DNAI1: variants seen among roughly 807,000 people sequenced by gnomAD.
DNAI1 encodes the protein dynein axonemal intermediate chain 1, also known as dynein, axonemal, intermediate polypeptide 1.
Under a neutral mutation model 92.0 loss-of-function variants are expected in DNAI1, and 67 were observed. The ratio of observed to expected loss-of-function variants is 0.73; its 90% CI spans 0.60 to 0.89. The LOEUF (loss-of-function observed/expected upper bound fraction) is 0.89. Ranked by LOEUF, DNAI1 falls within the 40% of genes least tolerant of loss-of-function variation. The pLI, the probability that DNAI1 is intolerant of heterozygous loss-of-function variation, is 0.00. For missense variants in DNAI1, 839 were observed against 866.6 expected (o/e 0.97, Z 0.40); for synonymous variants, 323 against 319.6 (o/e 1.01, Z -0.11).
Position 34,501,481 on chromosome 9 carries a change from A to T in DNAI1, c.1063+300A>T, listed in dbSNP as rs571054307. Among the ~76,000 whole-genome samples the T allele has an allele frequency of 3.7e-4, 57 of 152,386 alleles. No homozygotes were observed. The South Asian group carries it at 5.2e-3, about 14-fold the overall frequency. ...TTGGAGGCATGAGGAATATGGCAGAATATGAAGCTGCTGGGGGGGCCAGGG... is the reference window on the plus strand; with the variant it reads ...TTGGAGGCATGAGGAATATGGCAGATTATGAAGCTGCTGGGGGGGCCAGGG... On this transcript the variant is annotated intron_variant, in intron 12 of 19. Coordinates refer to ENST00000242317, the MANE Select transcript of DNAI1 (RefSeq NM_012144.4).
intron 1 of DNAI1, among the ~76,000 whole-genome samples, chr9:34,468,115 A>G (rs1375459161): frequency 6.6e-6 from 1 of 152,198 alleles, no homozygotes; most frequent in Non-Finnish European, 1.5e-5. Flanking sequence ...AATTCGTTGG[A>G]TAGGCCTAAC....
intron 1 of DNAI1, among the ~76,000 whole-genome samples, chr9:34,468,709 C>A (rs1824085308): frequency 6.6e-6 from 1 of 151,776 alleles, no homozygotes; most frequent in African/African-American, 2.4e-5. Flanking sequence ...CCCCTGTGGT[C>A]CCTCTATGTG....
chr9:34,506,629 G>T lies in DNAI1; in HGVS notation c.1066G>T (p.Asp356Tyr). The T allele has an allele frequency of 1.2e-6, 2 of 1,614,140 alleles. No homozygotes were observed. Among genetic ancestry groups the T allele is most frequent in the South Asian group, 2.2e-5 (2 of 91,060 alleles). ...AGCCGCCCATCTTCCCTGGGTAGAT[G>T]ACTTCATGAAGCAGAGCCGGGGCAT... ...DLFAVGYGSY[D>Y]FMKQSRGMLL... is the part of the protein sequence containing the mutation. Residue 356 changes from aspartate to tyrosine, a missense_variant and splice_region_variant, in exon 13 of 20, where the codon GAC (aspartate) becomes TAC (tyrosine). Coordinates refer to ENST00000242317, the MANE Select transcript of DNAI1 (RefSeq NM_012144.4).
At chr9:34,487,345 C>T (rs1824494196) in intron 4 of DNAI1, among the ~76,000 whole-genome samples, 1 of 152,058 alleles carries the variant, frequency 6.6e-6, no homozygotes, top group Non-Finnish European at 1.5e-5. Flanking sequence ...GCCACCACAC[C>T]CGGCTAATTT....
intron 1 of DNAI1, among the ~76,000 whole-genome samples, chr9:34,460,594 T>C (rs1299998189): frequency 6.6e-6 from 1 of 152,220 alleles, no homozygotes; most frequent in African/African-American, 2.4e-5. Context: ...TACGTTGAAG[T>C]TCATGTACTG....
intron 1 of DNAI1, among the ~76,000 whole-genome samples, chr9:34,460,294 C>T (rs1315442192): frequency 6.6e-6 from 1 of 152,160 alleles, no homozygotes; most frequent in African/African-American, 2.4e-5. Context: ...TTATGAATTA[C>T]CACTCAGGCT....
intron 15 of DNAI1, among the ~76,000 whole-genome samples, 157 bp from the exon 16 acceptor site, chr9:34,512,955 G>A (rs973128668): frequency 2.0e-5 from 3 of 152,224 alleles, no homozygotes; most frequent in African/African-American, 7.2e-5. Flanking sequence ...TGTTTGCCTG[G>A]CCTGGTCCCA....
intron 1 of DNAI1, among the ~76,000 whole-genome samples, chr9:34,471,126 C>T (rs564350767): frequency 2.6e-5 from 4 of 152,072 alleles, no homozygotes; most frequent in South Asian, 4.2e-4. Flanking sequence ...TAGTTTTAAA[C>T]GCTGTATTAG....
At chr9:34,501,114 A>G in intron 11 of DNAI1, 24 bp from the exon 12 acceptor site, 2 of 1,607,724 alleles carry the variant, frequency 1.2e-6, no homozygotes, top group Non-Finnish European at 1.7e-6. Flanking sequence ...TCCTATGCCA[A>G]TGGATTCATA....
chr9:34,459,295 C>T (rs1012277669), intron 1 of DNAI1, among the ~76,000 whole-genome samples: 1 of 152,096 alleles, frequency 6.6e-6, no homozygotes, highest in Non-Finnish European at 1.5e-5. Context: ...TTTTATCCAC[C>T]ATTCCCATCT....
chr9:34,489,560 A>G (rs1824539728), intron 5 of DNAI1, 111 bp downstream of exon 5: 1 of 1,350,176 alleles, frequency 7.4e-7, no homozygotes, highest in Non-Finnish European at 1.1e-6. Context: ...CTGCTAACAT[A>G]AACTCCAGGC....
intron 8 of DNAI1, among the ~76,000 whole-genome samples, chr9:34,491,918 T>TAA (rs1564033673): frequency 1.3e-5 from 2 of 152,212 alleles, no homozygotes; most frequent in Non-Finnish European, 2.9e-5. Context: ...GTGTTAGCAC[T>TAA]CTGACCCTGC....
At chr9:34,474,103 A>T (rs568398071) in intron 1 of DNAI1, among the ~76,000 whole-genome samples, 89 of 152,212 alleles carry the variant, frequency 5.8e-4, no homozygotes, top group African/African-American at 2.1e-3. Flanking sequence ...AATTGCTATA[A>T]TTATTTTGTT....
intron 9 of DNAI1, 35 bp downstream of exon 9, chr9:34,493,363 T>C: frequency 6.2e-7 from 1 of 1,613,906 alleles, no homozygotes; most frequent in Non-Finnish European, 8.5e-7. Flanking sequence ...TGCCACAGAA[T>C]TTCTGAATGA....
In DNAI1 at chr9:34,507,202, C is replaced by T. The variant is rs1340231; in HGVS notation, c.1311+328C>T. Among the ~76,000 whole-genome samples the T allele has an allele frequency of 0.05, 7,557 of 152,210 alleles. 274 individuals carry two copies. The highest frequency in any genetic ancestry group is 0.065 in the Non-Finnish European group (4,425 of 68,018). The stretch of plus-strand genomic sequence containing the variant: ...GGGCCTGACAGGCTCCAGCTGAGTA[C>T]AGTGGGCCCTTAGACAATGTGGGAA... On this transcript the variant is annotated intron_variant, in intron 13 of 19. Coordinates refer to ENST00000242317, the MANE Select transcript of DNAI1 (RefSeq NM_012144.4).
chr9:34,462,324 T>G (rs1277150940), intron 1 of DNAI1, among the ~76,000 whole-genome samples: 1 of 152,212 alleles, frequency 6.6e-6, no homozygotes, highest in Non-Finnish European at 1.5e-5. Flanking sequence ...TGTCTACTAG[T>G]CTACTCCACC....
Position 34,485,398 on chromosome 9 carries a change from G to A in DNAI1, c.181-39G>A. 3.1e-6 allele frequency: 5 copies of A among 1,609,768 alleles called. No individual in the cohort carries two copies. The South Asian group carries it at 5.5e-5, about 18-fold the overall frequency. On this transcript the variant is annotated intron_variant, in intron 3 of 19. Coordinates refer to ENST00000242317, the MANE Select transcript of DNAI1 (RefSeq NM_012144.4). ...TCTAAGCCTCAGATAGGGTTGGGGG[G>A]TCTTCATGTATGACCCTCTTGGTAT...
Position 34,483,370 on chromosome 9 carries a change from C to A in DNAI1, c.49-78C>A, listed in dbSNP as rs372803074. ...TGACTGTGAGATCCCTGGGCAGGAG[C>A]CTCCCTGAAATACTGTTTATGATAT... On this transcript the variant is annotated intron_variant, in intron 1 of 19. Coordinates refer to ENST00000242317, the MANE Select transcript of DNAI1 (RefSeq NM_012144.4). The A allele has an allele frequency of 4.2e-6, 6 of 1,422,982 alleles. No homozygotes were observed. In the South Asian group the frequency reaches 6.0e-5, roughly 14 times the overall value. The allele number at this position is 1,422,982 out of a possible 1,614,324, so 88.1% of individuals were successfully genotyped here.
At chr9:34,462,909 A>C (rs1414461440) in intron 1 of DNAI1, among the ~76,000 whole-genome samples, 1 of 152,244 alleles carries the variant, frequency 6.6e-6, no homozygotes, top group African/African-American at 2.4e-5. Context: ...AAAACAAACA[A>C]AAATCCCTGC....
Sources: gnomAD v4.1 joint callset for allele counts (sites outside exome capture counted in the v4.1 genomes callset) on GRCh38, gnomAD v4.1.1 for gene constraint, MANE v1.5 for transcripts, NCBI Gene and HGNC (gene_info 2026-07-23, HGNC 2026-07-21) for gene names.